LYRM4: variants seen among roughly 807,000 people sequenced by gnomAD.
LYRM4 encodes the protein LYR motif containing 4, also known as LYR motif-containing protein 4.
A neutral mutation model predicts 11.7 loss-of-function variants in LYRM4; 9 were observed. The observed-to-expected ratio is 0.77, with a 90% CI of 0.46 to 1.34. LYRM4 has a LOEUF of 1.34. Ranked by LOEUF, LYRM4 falls within the 40% of genes most tolerant of loss-of-function variation. The pLI, the probability that LYRM4 is intolerant of heterozygous loss-of-function variation, is 0.00. For synonymous variants in LYRM4, 42 were observed against 40.4 expected (o/e 1.04, Z -0.15); for missense variants, 133 against 112.5 (o/e 1.18, Z -0.82).
At chr6:5,093,910 A>T in the LYRM4 span, among the ~76,000 whole-genome samples, 1 of 152,202 alleles carries the variant, frequency 6.6e-6, no homozygotes, top group Non-Finnish European at 1.5e-5. Flanking sequence ...GTGTGTCTGG[A>T]GTCCCTCAGC....
chr6:5,155,008 G>A (rs1454947238), intron 2 of LYRM4, among the ~76,000 whole-genome samples: 1 of 152,114 alleles, frequency 6.6e-6, no homozygotes, highest in East Asian at 1.9e-4. Flanking sequence ...GAGCAAGAGT[G>A]ACACAGAAGC....
intron 1 of LYRM4, among the ~76,000 whole-genome samples, chr6:5,250,994 A>G (rs933075708): frequency 3.9e-5 from 6 of 152,346 alleles, no homozygotes; most frequent in African/African-American, 1.4e-4. Context: ...CCTCAGCCCC[A>G]GTACATTCTG....
the LYRM4 span, among the ~76,000 whole-genome samples, chr6:5,076,781 T>C: frequency 6.6e-6 from 1 of 152,210 alleles, no homozygotes; most frequent in Admixed American, 6.5e-5. Context: ...ATCAAGGAAC[T>C]GTTCTGCTGA....
chr6:5,210,962 A>G (rs1761958876), intron 2 of LYRM4, among the ~76,000 whole-genome samples: 1 of 152,196 alleles, frequency 6.6e-6, no homozygotes, highest in African/African-American at 2.4e-5. Context: ...TGAATAGTAT[A>G]TAATCATTTT....
the LYRM4 span, among the ~76,000 whole-genome samples, chr6:5,094,030 C>T: frequency 6.6e-6 from 1 of 152,226 alleles, no homozygotes; most frequent in Non-Finnish European, 1.5e-5. Flanking sequence ...TCTGACTTAA[C>T]TGAAACCAGA....
chr6:5,233,127 T>G (rs1420579562), intron 1 of LYRM4, among the ~76,000 whole-genome samples: 1 of 152,222 alleles, frequency 6.6e-6, no homozygotes, highest in Non-Finnish European at 1.5e-5. Context: ...CCTCACTGCC[T>G]TCTCTCTGAA....
the LYRM4 span, among the ~76,000 whole-genome samples, chr6:5,064,469 T>C: frequency 6.6e-6 from 1 of 152,264 alleles, no homozygotes; most frequent in Non-Finnish European, 1.5e-5. Context: ...CTGTTTGCTC[T>C]GTTAACAATG....
the LYRM4 span, among the ~76,000 whole-genome samples, chr6:5,040,075 TAA>T: frequency 6.6e-6 from 1 of 152,182 alleles, no homozygotes; most frequent in Admixed American, 6.5e-5. Flanking sequence ...AAACATATCC[TAA>T]ACTATCCACA....
the LYRM4 span, among the ~76,000 whole-genome samples, chr6:5,059,133 G>C: frequency 1.3e-5 from 2 of 151,890 alleles, no homozygotes; most frequent in Admixed American, 1.3e-4. Context: ...TTGAGCCCCG[G>C]AGTTCAAGAC....
intron 2 of LYRM4, among the ~76,000 whole-genome samples, chr6:5,199,117 G>A (rs953150537): frequency 6.6e-6 from 1 of 152,182 alleles, no homozygotes; most frequent in Non-Finnish European, 1.5e-5. Flanking sequence ...AATGTTCATA[G>A]CAACATCATT....
chr6:5,066,907 A>G, the LYRM4 span: 1 of 1,168,266 alleles, frequency 8.6e-7, no homozygotes, highest in South Asian at 1.8e-5. Context: ...CCAGACCCTA[A>G]AATGCAAAAG....
At position 5,260,646 on chromosome 6, in the gene LYRM4, A is replaced by C; in HGVS notation, c.86+2T>G. The C allele has an allele frequency of 8.4e-7, 1 of 1,196,388 alleles. No homozygotes were observed. Among genetic ancestry groups the C allele is most frequent in the South Asian group, 1.3e-5 (1 of 76,480 alleles). The allele number at this position is 1,196,388 out of a possible 1,614,324, so 74.1% of individuals were successfully genotyped here. A position where few individuals can be genotyped will look rare whatever the true frequency, so the allele number is the denominator to read the frequency against. On this transcript the variant is annotated splice_donor_variant, in intron 1 of 2. Transcript: ENST00000330636. LOFTEE classifies it high-confidence loss of function. ...CCCGGCCCCCGGTGCCCGCTGGGTC[A>C]CCTGTAATTGTAGGCGCTGAAACGC...
rs1257060469 is a variant in LYRM4, at chr6:5,178,818, A to AAG, written c.207+37799_207+37800insCT. ...AGACTCTGTCTCAAAAAAAAAAAAA[A>AAG]AAAAAAAAAAAAAAAGAGTTTCCTC... is the stretch of plus-strand genomic sequence containing the variant. On this transcript the variant is annotated intron_variant, in intron 2 of 2. Transcript: ENST00000330636. 3.6e-4 allele frequency among the ~76,000 whole-genome samples: 53 copies of AAG among 148,470 alleles called. 2 individuals carry two copies. The highest frequency in any genetic ancestry group is 1.3e-3 in the African/African-American group (53 of 40,400).
rs140496815 is a variant in LYRM4, at chr6:5,143,759, A to G, written c.208-34268T>C. ...CCTGAGTGCCAAAGGCTGCGGGAAC[A>G]AAAAATACCAGAGCAAGAATTAACA... On this transcript the variant is annotated intron_variant, in intron 2 of 2. Coordinates refer to ENST00000330636, the MANE Select transcript of LYRM4 (RefSeq NM_020408.6). Among the ~76,000 whole-genome samples, 460 of 152,344 alleles carry G rather than the reference A, an allele frequency of 3.0e-3. 2 individuals are homozygous for G. The highest frequency in any genetic ancestry group is 0.011 in the African/African-American group (444 of 41,586).
At chr6:5,255,325 G>A (rs574949126) in intron 1 of LYRM4, among the ~76,000 whole-genome samples, 2 of 152,188 alleles carry the variant, frequency 1.3e-5, no homozygotes, top group Non-Finnish European at 2.9e-5. Context: ...ACAAATTGTA[G>A]ATAGCAACAA....
downstream of LYRM4, chr6:5,103,842 T>G (rs1762578672): frequency 6.6e-6 from 1 of 152,422 alleles, no homozygotes; most frequent in Non-Finnish European, 1.5e-5. Flanking sequence ...TTCACCATGT[T>G]GGCCAGGCTG....
intron 2 of LYRM4, among the ~76,000 whole-genome samples, chr6:5,110,348 C>T (rs372258350): frequency 2.6e-5 from 3 of 117,578 alleles, no homozygotes; most frequent in African/African-American, 1.0e-4. Context: ...TTTTCCTCCC[C>T]GATCTTAGTG....
At chr6:5,144,365 C>T (rs529837152) in intron 2 of LYRM4, 14 of 1,351,652 alleles carry the variant, frequency 1.0e-5, no homozygotes, top group South Asian at 2.6e-5. Flanking sequence ...AGGCCGGGTG[C>T]GGTGGCTGAA....
the LYRM4 span, among the ~76,000 whole-genome samples, chr6:5,076,471 T>C: frequency 1.3e-5 from 2 of 152,214 alleles, no homozygotes; most frequent in African/African-American, 4.8e-5. Context: ...GTATTCTTTC[T>C]TTCAAAATTA....
Sources: gnomAD v4.1 joint callset for allele counts (sites outside exome capture counted in the v4.1 genomes callset) on GRCh38, gnomAD v4.1.1 for gene constraint, MANE v1.5 for transcripts, NCBI Gene and HGNC (gene_info 2026-07-23, HGNC 2026-07-21) for gene names.